Variants in CDH18 observed in about 807,000 individuals in gnomAD.
CDH18 encodes cadherin 18.
A neutral mutation model predicts 67.9 loss-of-function variants in CDH18; 31 were observed. That is an observed-to-expected ratio of 0.46 (90% CI 0.34 to 0.62). The LOEUF is 0.62. Ranked by LOEUF, CDH18 falls within the 20% of genes least tolerant of loss-of-function variation. The probability of loss-of-function intolerance (pLI) is 0.01; values close to 1 mark genes in which losing one functional copy is unlikely to be tolerated. For missense variants in CDH18, 890 were observed against 975.5 expected (o/e 0.91, Z 1.17); for synonymous variants, 362 against 347.2 (o/e 1.04, Z -0.48).
At chr5:19,999,851 C>T (rs1736304157) in intron 2 of CDH18, among the ~76,000 whole-genome samples, 1 of 152,178 alleles carries the variant, frequency 6.6e-6, no homozygotes, top group Non-Finnish European at 1.5e-5. Context: ...GCTCATGAAG[C>T]AGCCCTACTC....
chr5:20,340,812 GGAAA>G (rs1331557830), intron 1 of CDH18, among the ~76,000 whole-genome samples: 1 of 152,160 alleles, frequency 6.6e-6, no homozygotes, highest in African/African-American at 2.4e-5. Flanking sequence ...GAACAACTCA[GGAAA>G]GACTTTAATC....
chr5:20,471,896 G>A (rs1234926114), intron 1 of CDH18, among the ~76,000 whole-genome samples: 2 of 6,776 alleles, frequency 3.0e-4, no homozygotes, highest in East Asian at 8.4e-3. Context: ...CAAGTTTTCC[G>A]TCTGTGAAAC....
chr5:19,640,525 G>A (rs747028140), intron 5 of CDH18, among the ~76,000 whole-genome samples: 5 of 151,970 alleles, frequency 3.3e-5, no homozygotes, highest in East Asian at 3.9e-4. Context: ...AAAGGAATAC[G>A]GCAAGACAAT....
At chr5:19,582,120 A>G (rs922884507) in intron 7 of CDH18, among the ~76,000 whole-genome samples, 2 of 152,026 alleles carry the variant, frequency 1.3e-5, no homozygotes. Flanking sequence ...TATACATTAT[A>G]TTATACAGAA....
chr5:19,949,462 T>C (rs969421723), intron 2 of CDH18, among the ~76,000 whole-genome samples: 16 of 152,136 alleles, frequency 1.1e-4, no homozygotes, highest in African/African-American at 3.9e-4. Context: ...CTCAGTCTTG[T>C]CCATTTCAAA....
At chr5:20,527,217 G>T (rs1163711839) in intron 1 of CDH18, among the ~76,000 whole-genome samples, 1 of 151,906 alleles carries the variant, frequency 6.6e-6, no homozygotes, top group Non-Finnish European at 1.5e-5. Flanking sequence ...AGAGAAAAAA[G>T]AATAAAAAGG....
rs111740517 is a variant in CDH18, at chr5:20,432,417, T to G, written c.-580+143045A>C. ...GAAAGCTAGTTAGTACAGATGGAAC[T>G]TTGGTTAAATTCAGCAGTTGTAATA... On this transcript the variant is annotated intron_variant, in intron 1 of 14. Coordinates refer to the CDH18 transcript ENST00000507958. Among the ~76,000 whole-genome samples, 71 of 152,288 alleles carry G rather than the reference T, an allele frequency of 4.7e-4. 2 individuals carry two copies. The highest frequency in any genetic ancestry group is 1.5e-3 in the African/African-American group (62 of 41,572).
chr5:19,604,807 G>A (rs1747768548), intron 6 of CDH18, among the ~76,000 whole-genome samples: 1 of 151,522 alleles, frequency 6.6e-6, no homozygotes, highest in Non-Finnish European at 1.5e-5. Context: ...GTTTCTATGT[G>A]TCAACATGCA....
intron 5 of CDH18, among the ~76,000 whole-genome samples, chr5:19,698,431 C>T (rs1174946589): frequency 6.6e-6 from 1 of 151,902 alleles, no homozygotes; most frequent in African/African-American, 2.4e-5. Context: ...AGGTGGTTCT[C>T]AATATTATAT....
intron 3 of CDH18, among the ~76,000 whole-genome samples, chr5:19,766,030 C>A (rs1327016390): frequency 6.6e-6 from 1 of 152,070 alleles, no homozygotes. Flanking sequence ...CAGGTGCCCA[C>A]CACCACACCC....
chr5:19,636,899 T>G (rs1209399942), intron 5 of CDH18, among the ~76,000 whole-genome samples: 1 of 152,170 alleles, frequency 6.6e-6, no homozygotes, highest in African/African-American at 2.4e-5. Context: ...CTTTTGTAAC[T>G]TATTTACATA....
At chr5:20,312,040 T>C (rs1275701447) in intron 1 of CDH18, among the ~76,000 whole-genome samples, 3 of 152,172 alleles carry the variant, frequency 2.0e-5, no homozygotes, top group African/African-American at 7.2e-5. Context: ...CAATTAGCCA[T>C]ATTCAATGAG....
intron 11 of CDH18, among the ~76,000 whole-genome samples, chr5:19,486,663 G>C (rs1303787825): frequency 6.6e-6 from 1 of 151,980 alleles, no homozygotes; most frequent in African/African-American, 2.4e-5. Flanking sequence ...TGTGGTGGCG[G>C]GCGCCTATAA....
chr5:19,959,644 T>C (rs1796596254), intron 2 of CDH18, among the ~76,000 whole-genome samples: 1 of 152,090 alleles, frequency 6.6e-6, no homozygotes, highest in Non-Finnish European at 1.5e-5. Context: ...ATTTTCCATA[T>C]TGAGTGCTGT....
chr5:19,705,781 C>T (rs1004482670), intron 5 of CDH18, among the ~76,000 whole-genome samples: 21 of 152,144 alleles, frequency 1.4e-4, no homozygotes, highest in African/African-American at 5.1e-4. Flanking sequence ...TTGTCCCTCT[C>T]ATGAAGGCAC....
intron 1 of CDH18, among the ~76,000 whole-genome samples, chr5:20,494,548 T>C (rs905284557): frequency 2.2e-4 from 34 of 151,976 alleles, no homozygotes; most frequent in African/African-American, 7.7e-4. Flanking sequence ...AAAAAGAAAA[T>C]AACTGTTTTC....
intron 4 of CDH18, among the ~76,000 whole-genome samples, chr5:19,746,565 A>G (rs955959140): frequency 6.6e-6 from 1 of 152,216 alleles, no homozygotes; most frequent in African/African-American, 2.4e-5. Context: ...GACATTCTAG[A>G]ATCTTTCTTC....
intron 2 of CDH18, among the ~76,000 whole-genome samples, chr5:20,139,483 A>T (rs951916515): frequency 1.7e-4 from 26 of 152,224 alleles, no homozygotes; most frequent in Non-Finnish European, 4.4e-5. Flanking sequence ...AAGTAAACTA[A>T]AGAGCTTCTG....
At chr5:19,617,670 G>A (rs1021743737) in intron 5 of CDH18, among the ~76,000 whole-genome samples, 2 of 152,034 alleles carry the variant, frequency 1.3e-5, no homozygotes, top group African/African-American at 4.8e-5. Flanking sequence ...TGTGATGCTG[G>A]GTTGAATCAA....
Sources: gnomAD v4.1 joint callset for allele counts (sites outside exome capture counted in the v4.1 genomes callset) on GRCh38, gnomAD v4.1.1 for gene constraint, MANE v1.5 for transcripts, NCBI Gene and HGNC (gene_info 2026-07-23, HGNC 2026-07-21) for gene names.